Variants in RNF214 observed in about 807,000 individuals in gnomAD.
RNF214 encodes the protein ring finger protein 214.
In RNF214, 25 loss-of-function variants were observed where a neutral mutation model predicts 75.9. That is an observed-to-expected ratio of 0.33 (90% CI 0.24 to 0.46). The LOEUF (loss-of-function observed/expected upper bound fraction) is 0.46. Ranked by LOEUF, RNF214 falls within the 20% of genes least tolerant of loss-of-function variation. RNF214 has a pLI of 1.00. For synonymous variants in RNF214, 314 were observed against 308.8 expected (o/e 1.02, Z -0.18); for missense variants, 725 against 857.5 (o/e 0.85, Z 1.93).
chr11:117,249,405 G>C (rs2033312599), intron 6 of RNF214, among the ~76,000 whole-genome samples: 1 of 151,990 alleles, frequency 6.6e-6, no homozygotes, highest in African/African-American at 2.4e-5. Context: ...AAATGTATAT[G>C]TCACGGTGTG....
At chr11:117,254,070 A>G (rs1269930708) in intron 6 of RNF214, among the ~76,000 whole-genome samples, 1 of 152,174 alleles carries the variant, frequency 6.6e-6, no homozygotes, top group Non-Finnish European at 1.5e-5. Flanking sequence ...CCTGGCCAAC[A>G]TGGCGAAACC....
intron 6 of RNF214, among the ~76,000 whole-genome samples, chr11:117,253,557 TGTG>T (rs1351833190): frequency 1.3e-5 from 2 of 152,204 alleles, no homozygotes; most frequent in African/African-American, 2.4e-5. Context: ...AGTGACTTAT[TGTG>T]TGCAGGTGCG....
At chr11:117,279,486 G>A (rs981422808) in intron 6 of RNF214, among the ~76,000 whole-genome samples, 21 of 152,000 alleles carry the variant, frequency 1.4e-4, no homozygotes, top group African/African-American at 4.8e-4. Flanking sequence ...ACAGGCGTGC[G>A]CCATCACGCC....
chr11:117,245,046 T>C (rs2134365485), intron 5 of RNF214, among the ~76,000 whole-genome samples: 1 of 151,768 alleles, frequency 6.6e-6, no homozygotes, highest in South Asian at 2.1e-4. Flanking sequence ...AGGCGGGGTG[T>C]GGTGGCTCAC....
chr11:117,247,322 T>G (rs488538), intron 6 of RNF214, among the ~76,000 whole-genome samples: 44,722 of 151,598 alleles, frequency 0.3, 7,225 homozygotes, highest in East Asian at 0.62. Flanking sequence ...AGACCCCCTC[T>G]CTACAAAAAA....
At chr11:117,274,111 A>G (rs186301999) in intron 6 of RNF214, among the ~76,000 whole-genome samples, 17 of 152,066 alleles carry the variant, frequency 1.1e-4, no homozygotes, top group Admixed American at 2.6e-4. Flanking sequence ...AGCCTCGTTT[A>G]TTTTCGTTTC....
chr11:117,267,826 G>A (rs577631979), intron 6 of RNF214, among the ~76,000 whole-genome samples: 3 of 152,188 alleles, frequency 2.0e-5, no homozygotes, highest in Admixed American at 2.0e-4. Flanking sequence ...AGGTACCTTG[G>A]CACTTCTGTA....
chr11:117,274,539 TG>T (rs1046529442), intron 6 of RNF214, among the ~76,000 whole-genome samples: 3 of 151,704 alleles, frequency 2.0e-5, no homozygotes, highest in African/African-American at 7.3e-5. Flanking sequence ...ATTTTTTTTT[TG>T]TATTTTTAGT....
intron 6 of RNF214, among the ~76,000 whole-genome samples, chr11:117,262,707 T>TTGTGGG (rs2033694207): frequency 6.8e-6 from 1 of 147,644 alleles, no homozygotes; most frequent in Non-Finnish European, 1.5e-5. Flanking sequence ...TTGAGGAACG[T>TTGTGGG]TGTGTGTGTG....
rs752369383 is a variant in RNF214, at chr11:117,239,070, G to C, written c.577G>C (p.Asp193His). 6.2e-7 allele frequency: 1 copy of C among 1,613,836 alleles called. No homozygotes were observed. The highest frequency in any genetic ancestry group is 1.1e-5 in the South Asian group (1 of 91,072). Reference sequence around the variant, plus strand: ...CCGAGTGGATCAGGATGATGATCAAGATAGCTCTTCCCTGAAGCTTTCTCA... The same window carrying C: ...CCGAGTGGATCAGGATGATGATCAACATAGCTCTTCCCTGAAGCTTTCTCA... ...GVRVDQDDDQ[D>H]SSSLKLSQNI... Residue 193 changes from aspartate (D) to histidine (H), a missense_variant, in exon 3 of 15, where the codon GAT becomes CAT. By Grantham distance (81) the Asp-to-His change is moderately conservative. Around this residue, in one of 2 missense-constraint regions of RNF214, gnomAD observed 362 missense variants for 344.5 expected, o/e 1.05. Coordinates refer to ENST00000300650, the MANE Select transcript of RNF214 (RefSeq NM_207343.4).
chr11:117,263,511 TG>T (rs1406189271), intron 6 of RNF214, among the ~76,000 whole-genome samples: 5 of 151,854 alleles, frequency 3.3e-5, no homozygotes, highest in Non-Finnish European at 5.9e-5. Context: ...CCTGACCTCA[TG>T]ATCCACCCGC....
Position 117,250,395 on chromosome 11 carries a change from T to A in RNF214, c.959+3447T>A, listed in dbSNP as rs149203275. 5.5e-3 allele frequency among the ~76,000 whole-genome samples: 844 copies of A among 152,304 alleles called. 4 individuals carry two copies. Among genetic ancestry groups the A allele is most frequent in the Non-Finnish European group, 9.2e-3 (624 of 68,034 alleles). On this transcript the variant is annotated intron_variant, in intron 6 of 14. Transcript: ENST00000300650. ...GTATTTTGGGTGTATAAACCCATGT[T>A]GTTGAAAAAAGTTTAAGAAATTAAA...
chr11:117,246,986 A>G (rs770402812), intron 6 of RNF214, 38 bp downstream of exon 6: 7 of 1,509,334 alleles, frequency 4.6e-6, no homozygotes, highest in African/African-American at 2.8e-5. Flanking sequence ...GTGTGTATGT[A>G]TATATGCATG....
In RNF214 at chr11:117,282,096, G is replaced by T. The variant is rs899548731; in HGVS notation, c.1538G>T (p.Gly513Val). The change falls in exon 11 of 15, where the codon GGC (glycine) becomes GTC (valine). Residue 513 changes from glycine (G) to valine (V), a missense_variant. Gly to Val is a moderately radical substitution (Grantham distance 109). Transcript: ENST00000300650. The stretch of plus-strand genomic sequence containing the variant: ...GGCTCCCATGGCAGAAATAGCCCTG[G>T]CTTGGGTTCCCTTGTCAGCCCCCAC... ...LPGSHGRNSPGLGSLVSPHGP... is the reference protein window; with the variant it reads ...LPGSHGRNSPVLGSLVSPHGP... 3 of 1,614,034 alleles carry T rather than the reference G, an allele frequency of 1.9e-6. No individual in the cohort carries two copies. The highest frequency in any genetic ancestry group is 1.7e-5 in the Admixed American group (1 of 59,998).
Position 117,238,750 on chromosome 11 carries a change from A to T in RNF214, c.257A>T (p.Gln86Leu). The T allele has an allele frequency of 6.2e-7, 1 of 1,614,180 alleles. No homozygotes were observed. The change falls in exon 3 of 15, where the codon CAG becomes CTG. Residue 86 changes from glutamine to leucine, a missense_variant. Gln to Leu is a moderately radical substitution (Grantham distance 113). Coordinates refer to ENST00000300650, the MANE Select transcript of RNF214 (RefSeq NM_207343.4). ...SSAGDTSAAH[Q>L]VVLGENLIAT... The stretch of plus-strand genomic sequence containing the variant: ...GCAGGTGACACCTCAGCAGCGCACC[A>T]GGTGGTTTTAGGAGAAAACTTGATA...
chr11:117,281,479 T>G, intron 9 of RNF214, 75 bp downstream of exon 9: 1 of 1,370,116 alleles, frequency 7.3e-7, no homozygotes, highest in Non-Finnish European at 1.0e-6. Context: ...GGAGGTAGCC[T>G]TTTGCATTGC....
At chr11:117,239,701 TAA>T (rs2033018332) in intron 3 of RNF214, 98 bp from the exon 4 acceptor site, 1 of 716,164 alleles carries the variant, frequency 1.4e-6, no homozygotes, top group Admixed American at 2.2e-5. Flanking sequence ...GGGGAAAGAG[TAA>T]AAAGTTAGTT....
chr11:117,243,944 C>T (rs2134363877), intron 4 of RNF214, among the ~76,000 whole-genome samples: 1 of 152,256 alleles, frequency 6.6e-6, no homozygotes, highest in African/African-American at 2.4e-5. Context: ...TTTAGTGGAT[C>T]CATCAGTTTT....
intron 6 of RNF214, among the ~76,000 whole-genome samples, chr11:117,270,530 C>T (rs2033888786): frequency 6.6e-6 from 1 of 151,592 alleles, no homozygotes; most frequent in Non-Finnish European, 1.5e-5. Context: ...CTCCCGGGTT[C>T]AAGCAGTTCT....
Sources: gnomAD v4.1 joint callset for allele counts (sites outside exome capture counted in the v4.1 genomes callset) on GRCh38, gnomAD v4.1.1 for gene constraint, gnomAD v4.1.1 regional missense constraint, MANE v1.5 for transcripts, NCBI Gene and HGNC (gene_info 2026-07-23, HGNC 2026-07-21) for gene names.